NAALADL2: variants seen among roughly 807,000 people sequenced by gnomAD.
The protein encoded by NAALADL2 is inactive N-acetylated-alpha-linked acidic dipeptidase-like protein 2.
In NAALADL2, 76 loss-of-function variants were observed where a neutral mutation model predicts 87.2. The ratio of observed to expected loss-of-function variants is 0.87; its 90% CI spans 0.72 to 1.05. The LOEUF (loss-of-function observed/expected upper bound fraction) is 1.05, where lower values mean the gene tolerates loss of function less well. NAALADL2 is among the 50% of genes least tolerant of loss of function. NAALADL2 has a pLI of 0.00. For synonymous variants in NAALADL2, 354 were observed against 331.0 expected (o/e 1.07, Z -0.75); for missense variants, 1,089 against 945.8 (o/e 1.15, Z -1.99).
At chr3:175,714,766 G>T (rs1383812837) in intron 11 of NAALADL2, among the ~76,000 whole-genome samples, 1 of 151,984 alleles carries the variant, frequency 6.6e-6, no homozygotes, top group Non-Finnish European at 1.5e-5. Context: ...GGCTTTTGTT[G>T]CCATTGCTTT....
intron 11 of NAALADL2, among the ~76,000 whole-genome samples, chr3:175,669,908 C>G (rs1353692426): frequency 6.6e-6 from 1 of 151,936 alleles, no homozygotes; most frequent in Non-Finnish European, 1.5e-5. Context: ...ATGATAGACA[C>G]TTCATTTGAA....
At chr3:174,444,276 G>A (rs1037673905) in intron 1 of NAALADL2, among the ~76,000 whole-genome samples, 2 of 152,132 alleles carry the variant, frequency 1.3e-5, no homozygotes, top group African/African-American at 2.4e-5. Flanking sequence ...AAGTGTGGGG[G>A]CACAGATGGA....
intron 1 of NAALADL2, among the ~76,000 whole-genome samples, chr3:175,019,881 G>C (rs1385602877): frequency 1.3e-5 from 2 of 152,048 alleles, no homozygotes; most frequent in Non-Finnish European, 2.9e-5. Context: ...GTGTCAGCCT[G>C]AGATATCTGT....
intron 1 of NAALADL2, among the ~76,000 whole-genome samples, chr3:174,535,524 T>A (rs2108451162): frequency 6.6e-6 from 1 of 152,296 alleles, no homozygotes; most frequent in Non-Finnish European, 1.5e-5. Context: ...TAATAGCTAC[T>A]ATTTATTGAC....
chr3:174,646,970 T>C (rs926313051), intron 2 of NAALADL2, among the ~76,000 whole-genome samples: 2 of 152,312 alleles, frequency 1.3e-5, no homozygotes, highest in African/African-American at 4.8e-5. Flanking sequence ...ATGGTACATC[T>C]AACTCACTGT....
At chr3:175,065,943 G>C (rs953188320) in intron 1 of NAALADL2, among the ~76,000 whole-genome samples, 2 of 152,142 alleles carry the variant, frequency 1.3e-5, no homozygotes, top group African/African-American at 4.8e-5. Flanking sequence ...CTCACATAAC[G>C]GTATTCGGTC....
intron 1 of NAALADL2, among the ~76,000 whole-genome samples, chr3:174,482,630 G>T (rs1010332301): frequency 6.6e-6 from 1 of 151,934 alleles, no homozygotes; most frequent in African/African-American, 2.4e-5. Context: ...TGGATTTAAA[G>T]TCTTGAACTA....
intron 13 of NAALADL2, among the ~76,000 whole-genome samples, chr3:175,784,991 A>G (rs890568742): frequency 6.7e-5 from 10 of 150,214 alleles, no homozygotes; most frequent in Non-Finnish European, 1.5e-4. Flanking sequence ...CAGGTTGTCC[A>G]GTTTCCATGT....
intron 2 of NAALADL2, among the ~76,000 whole-genome samples, chr3:174,673,251 G>A (rs900468597): frequency 2.6e-5 from 4 of 151,830 alleles, no homozygotes; most frequent in South Asian, 2.1e-4. Flanking sequence ...GTAACTGATA[G>A]CATTTCTTTT....
chr3:174,892,559 G>A (rs1178662538), intron 1 of NAALADL2, among the ~76,000 whole-genome samples: 2 of 152,134 alleles, frequency 1.3e-5, no homozygotes, highest in East Asian at 3.9e-4. Context: ...GAAAGATACA[G>A]GGATAGAAAA....
At chr3:174,970,375 AT>A (rs1357286048) in intron 1 of NAALADL2, among the ~76,000 whole-genome samples, 1 of 152,210 alleles carries the variant, frequency 6.6e-6, no homozygotes, top group African/African-American at 2.4e-5. Flanking sequence ...TCAGGGTTTC[AT>A]TAAATAAAAA....
At chr3:174,694,390 A>G (rs1715122895) in intron 2 of NAALADL2, among the ~76,000 whole-genome samples, 1 of 152,094 alleles carries the variant, frequency 6.6e-6, no homozygotes, top group African/African-American at 2.4e-5. Context: ...AATAATGGAT[A>G]TGTATCTTTG....
intron 2 of NAALADL2, among the ~76,000 whole-genome samples, chr3:175,181,095 C>A (rs1385550974): frequency 1.3e-5 from 2 of 151,948 alleles, no homozygotes; most frequent in Non-Finnish European, 2.9e-5. Context: ...ATTTTTAAGA[C>A]CTTTGTCTGT....
chr3:174,734,223 C>G (rs1048399099), intron 2 of NAALADL2, among the ~76,000 whole-genome samples: 1 of 152,068 alleles, frequency 6.6e-6, no homozygotes, highest in African/African-American at 2.4e-5. Flanking sequence ...CCTCCTCATT[C>G]CATATTTCTT....
At chr3:175,558,798 C>A (rs553254148) in intron 9 of NAALADL2, among the ~76,000 whole-genome samples, 1 of 152,082 alleles carries the variant, frequency 6.6e-6, no homozygotes, top group African/African-American at 2.4e-5. Flanking sequence ...TGTTTTTATG[C>A]CAGTACCATA....
intron 11 of NAALADL2, among the ~76,000 whole-genome samples, chr3:175,684,695 C>A (rs945671568): frequency 2.6e-5 from 4 of 151,870 alleles, no homozygotes; most frequent in Admixed American, 2.6e-4. Context: ...CCCAGCTACT[C>A]GGGAGGCTGA....
chr3:175,551,762 T>A (rs1245025633), intron 9 of NAALADL2, among the ~76,000 whole-genome samples: 1 of 151,954 alleles, frequency 6.6e-6, no homozygotes, highest in Non-Finnish European at 1.5e-5. Flanking sequence ...GCCGGGCATG[T>A]TGGCAGGTGC....
intron 5 of NAALADL2, among the ~76,000 whole-genome samples, chr3:175,337,249 G>T (rs1434542134): frequency 6.6e-6 from 1 of 151,170 alleles, no homozygotes; most frequent in East Asian, 1.9e-4. Context: ...ATTAGGTCTA[G>T]GTGGTATGGT....
chr3:174,962,361 G>GTCACTA (rs1742137915), intron 1 of NAALADL2, among the ~76,000 whole-genome samples: 2 of 111,242 alleles, frequency 1.8e-5, no homozygotes, highest in Non-Finnish European at 3.7e-5. Flanking sequence ...CATTGTCATA[G>GTCACTA]TGACTATGAC....
Sources: allele counts gnomAD v4.1 joint callset (sites outside exome capture counted in the v4.1 genomes callset), GRCh38; gene constraint gnomAD v4.1.1; transcripts MANE v1.5; gene names NCBI Gene and HGNC (gene_info 2026-07-23, HGNC 2026-07-21).